The following MYH11 variants were observed in gnomAD, a reference collection of about 807,000 sequenced individuals.
MYH11 encodes the protein myosin-11.
In MYH11, 80 loss-of-function variants were observed where a neutral mutation model predicts 246.6. The observed-to-expected ratio is 0.32, with a 90% confidence interval of 0.27 to 0.39. The LOEUF is 0.39. Among genes scored for constraint, MYH11 ranks in the 10% least tolerant of loss-of-function variants. MYH11 has a pLI of 1.00. For synonymous variants in MYH11, 1,071 were observed against 1,015.5 expected (o/e 1.05, Z -1.04); for missense variants, 2,158 against 2,546.8 (o/e 0.85, Z 3.29).
chr16:15,748,123 T>C lies in MYH11; in HGVS notation c.2104A>G (p.Asn702Asp). ...AFLVLEQLRC[N>D]GVLEGIRICR... The stretch of plus-strand genomic sequence containing the variant: ...ATGCGAATGCCTTCCAGCACCCCAT[T>C]GCACCGCAGCTGCTCCAGCACCAGG... Residue 702 changes from asparagine (N) to aspartate (D), a missense_variant, in exon 17 of 41, where the codon AAT becomes GAT. Physicochemically the swap from Asn to Asp is conservative, Grantham distance 23. Transcript: ENST00000300036. 1 of 1,614,054 alleles carries C rather than the reference T, an allele frequency of 6.2e-7. No individual in the cohort carries two copies. The highest frequency in any genetic ancestry group is 8.5e-7 in the Non-Finnish European group (1 of 1,180,022).
At position 15,734,354 on chromosome 16, in the gene MYH11, G is replaced by A. The variant is rs12927843; in HGVS notation, c.3506+1012C>T. Among the ~76,000 whole-genome samples, 731 of 151,968 alleles carry A rather than the reference G, an allele frequency of 4.8e-3. 12 individuals carry two copies. The highest frequency in any genetic ancestry group is 0.026 in the South Asian group (124 of 4,812). ...CACTGTGTCACCCAGGCTGGAGTGC[G>A]ATGGTGCGATCTCAGCTCACTGCAA... On this transcript the variant is annotated intron_variant, in intron 26 of 40. Coordinates refer to ENST00000300036, the MANE Select transcript of MYH11 (RefSeq NM_002474.3).
At position 15,703,682 on chromosome 16, in the gene MYH11, G is replaced by A. The variant is rs1250611448; in HGVS notation, c.*309C>T. ...TAGCTCATTGCAGCCTCGAAGTCCT[G>A]GGCTGGAGCGTTCTTCCTGGCTCAG... On this transcript the variant is annotated 3_prime_UTR_variant, in exon 41 of 41. Transcript: ENST00000300036. The A allele has an allele frequency of 2.2e-6, 1 of 453,082 alleles. No individual in the cohort carries two copies. Among genetic ancestry groups the A allele is most frequent in the African/African-American group, 2.0e-5 (1 of 51,012 alleles). The allele number at this position is 453,082 out of a possible 1,614,324, so 28.1% of individuals were successfully genotyped here.
At chr16:15,848,652 C>G (rs1430239336) in intron 1 of MYH11, among the ~76,000 whole-genome samples, 1 of 152,178 alleles carries the variant, frequency 6.6e-6, no homozygotes, top group African/African-American at 2.4e-5. Context: ...GCCAGTAGCA[C>G]CCCTTCCTCC....
At chr16:15,812,865 C>A (rs938240787) in intron 3 of MYH11, among the ~76,000 whole-genome samples, 7 of 149,476 alleles carry the variant, frequency 4.7e-5, no homozygotes, top group African/African-American at 1.2e-4. Context: ...AAAGTGAGAA[C>A]CTGTCTCAAA....
intron 26 of MYH11, 69 bp from the exon 27 acceptor site, chr16:15,732,777 G>A (rs1299911052): frequency 1.3e-6 from 2 of 1,587,350 alleles, no homozygotes; most frequent in East Asian, 4.5e-5. Flanking sequence ...CCGTGCAAAA[G>A]AATGAGAGCT....
Position 15,726,832 on chromosome 16 carries a change from C to G in MYH11, c.3858+16G>C, listed in dbSNP as rs370164910. ...CACCCAGCACTGCCCACCACACCAC[C>G]GCGCCACCTCCTCACCTGCAGCTTG... On this transcript the variant is annotated intron_variant, in intron 28 of 40. Coordinates refer to ENST00000300036, the MANE Select transcript of MYH11 (RefSeq NM_002474.3). 1,403 of 1,610,974 alleles carry G rather than the reference C, an allele frequency of 8.7e-4. 15 individuals carry two copies. In the South Asian group the frequency reaches 0.012, roughly 14 times the overall value.
chr16:15,793,615 CTTTTTTTTTTTT>C (rs572455483), intron 4 of MYH11, among the ~76,000 whole-genome samples: 5 of 93,788 alleles, frequency 5.3e-5, no homozygotes, highest in African/African-American at 1.0e-4. Context: ...CTTTTCTTTT[CTTTTTTTTTTTT>C]TTTTTTTTTT....
chr16:15,712,293 G>C (rs1181446327), intron 40 of MYH11, among the ~76,000 whole-genome samples: 1 of 152,142 alleles, frequency 6.6e-6, no homozygotes, highest in Admixed American at 6.5e-5. Context: ...GGAGTCATTA[G>C]ATATACATGG....
intron 6 of MYH11, 70 bp downstream of exon 6, chr16:15,782,315 C>T (rs1488074768): frequency 2.9e-6 from 4 of 1,375,102 alleles, no homozygotes; most frequent in Non-Finnish European, 4.1e-6. Context: ...TGCACGCAAA[C>T]ACTCTGCAGC....
Position 15,779,083 on chromosome 16 carries a change from G to A in MYH11, c.727-240C>T, listed in dbSNP as rs149534419. ...ACATGTTCACAGATCAATTTCATTC[G>A]GCTTTTGCAATGACCGTAGTCCATC... On this transcript the variant is annotated intron_variant, in intron 6 of 40. Coordinates refer to ENST00000300036, the MANE Select transcript of MYH11 (RefSeq NM_002474.3). The A allele has an allele frequency of 3.9e-5, 24 of 621,604 alleles. 1 individual carries two copies. The highest frequency in any genetic ancestry group is 4.1e-4 in the Middle Eastern group (1 of 2,410). The allele number at this position is 621,604 out of a possible 1,614,324, so 38.5% of individuals were successfully genotyped here.
chr16:15,853,849 C>T (rs1335700400), intron 1 of MYH11, among the ~76,000 whole-genome samples: 1 of 152,044 alleles, frequency 6.6e-6, no homozygotes, highest in Non-Finnish European at 1.5e-5. Flanking sequence ...ATGGTGAAAC[C>T]CCATCTCTAC....
At chr16:15,817,820 T>A (rs1490464708) in intron 3 of MYH11, among the ~76,000 whole-genome samples, 4 of 152,142 alleles carry the variant, frequency 2.6e-5, no homozygotes, top group Non-Finnish European at 5.9e-5. Context: ...GCTTTTATTA[T>A]TCTTGGCTAG....
At chr16:15,764,552 A>G (rs1436316606) in intron 9 of MYH11, among the ~76,000 whole-genome samples, 4 of 152,174 alleles carry the variant, frequency 2.6e-5, no homozygotes, top group African/African-American at 9.7e-5. Context: ...AAACAAGAAC[A>G]TACTGTCTAA....
At chr16:15,705,048 T>G (rs2039374505) in intron 40 of MYH11, among the ~76,000 whole-genome samples, 1 of 152,162 alleles carries the variant, frequency 6.6e-6, no homozygotes, top group South Asian at 2.1e-4. Context: ...GGCATGATCT[T>G]GGCTCACTGC....
chr16:15,759,624 C>A lies in MYH11; in HGVS notation c.1353G>T (p.Gly451=), dbSNP rs534109990. The A allele has an allele frequency of 3.1e-6, 5 of 1,614,178 alleles. No homozygotes were observed. The highest frequency in any genetic ancestry group is 4.5e-5 in the East Asian group (2 of 44,888). The change falls in exon 12 of 41, where the codon GGG becomes GGT. Residue 451 remains glycine, a synonymous_variant. Transcript: ENST00000300036. ...NKALDKTHRQ[G]ASFLGILDIA... ...TATCCAGGATCCCCAGGAAGGAAGC[C>A]CCTTGCCGATGGGTCTTGTCCAGGG...
intron 4 of MYH11, chr16:15,792,309 C>CT (rs1378996644): frequency 2.0e-5 from 3 of 152,184 alleles, no homozygotes; most frequent in African/African-American, 7.2e-5. Context: ...CCTCGGCCCC[C>CT]TAAAGTGTTG....
At chr16:15,756,570 A>T in intron 13 of MYH11, 56 bp from the exon 14 acceptor site, 2 of 1,595,990 alleles carry the variant, frequency 1.3e-6, no homozygotes, top group African/African-American at 2.7e-5. Context: ...CAGGCATTCC[A>T]TGAAGAGCTG....
intron 2 of MYH11, among the ~76,000 whole-genome samples, chr16:15,829,585 G>A (rs1049737216): frequency 5.9e-5 from 9 of 152,174 alleles, no homozygotes; most frequent in Admixed American, 4.6e-4. Flanking sequence ...CTCTCCAGCT[G>A]GTTAAATTCA....
chr16:15,778,520 C>A (rs913423677), intron 7 of MYH11, among the ~76,000 whole-genome samples: 14 of 152,160 alleles, frequency 9.2e-5, no homozygotes, highest in Non-Finnish European at 1.8e-4. Flanking sequence ...GAGTAACCAG[C>A]CCAAGGTCAC....
Sources: allele counts gnomAD v4.1 joint callset (sites outside exome capture counted in the v4.1 genomes callset), GRCh38; gene constraint gnomAD v4.1.1; transcripts MANE v1.5; gene names NCBI Gene and HGNC (gene_info 2026-07-23, HGNC 2026-07-21).